The following HIVEP3 variants were observed in gnomAD, a reference collection of about 807,000 sequenced individuals.
HIVEP3 encodes the protein HIVEP zinc finger 3, also known as transcription factor HIVEP3.
HIVEP3 carries 49 observed loss-of-function variants against 152.8 expected under a neutral mutation model. The ratio of observed to expected loss-of-function variants is 0.32; its 90% CI spans 0.26 to 0.41. HIVEP3 has a LOEUF of 0.41. HIVEP3 is among the 10% of genes least tolerant of loss of function. The pLI is 1.00. For missense variants in HIVEP3, 2,790 were observed against 3,103.3 expected, an observed-to-expected ratio of 0.90 and a Z score of 2.40; for synonymous variants, 1,269 against 1,289.0, an observed-to-expected ratio of 0.98 and a Z score of 0.33.
chr1:41,784,415 T>A (rs894664043), intron 1 of HIVEP3, among the ~76,000 whole-genome samples: 45 of 152,252 alleles, frequency 3.0e-4, no homozygotes, highest in African/African-American at 8.9e-4. Flanking sequence ...CTTTTTTAAA[T>A]GTGGCTACCA....
intron 5 of HIVEP3, among the ~76,000 whole-genome samples, chr1:41,569,466 C>A (rs1644220258): frequency 6.6e-6 from 1 of 152,120 alleles, no homozygotes; most frequent in African/African-American, 2.4e-5. Flanking sequence ...ATAGTTTAAT[C>A]AATTTGTTCC....
intron 3 of HIVEP3, among the ~76,000 whole-genome samples, chr1:41,619,147 A>C (rs1570122927): frequency 5.9e-5 from 8 of 135,232 alleles, no homozygotes; most frequent in Non-Finnish European, 8.0e-5. Context: ...CCCCACCCCC[A>C]CTCCTCCAGC....
intron 1 of HIVEP3, among the ~76,000 whole-genome samples, chr1:41,871,631 G>C (rs973133728): frequency 2.6e-5 from 4 of 152,222 alleles, no homozygotes; most frequent in East Asian, 1.9e-4. Context: ...CAGAGGGTGG[G>C]ATCAGGTTGA....
upstream of HIVEP3, among the ~76,000 whole-genome samples, chr1:41,920,215 C>G (rs1644929952): frequency 6.6e-6 from 1 of 152,200 alleles, no homozygotes; most frequent in Non-Finnish European, 1.5e-5. Context: ...CACTGATTGG[C>G]TGGGCCCTGG....
intron 1 of HIVEP3, among the ~76,000 whole-genome samples, chr1:41,977,404 C>T (rs953283854): frequency 1.3e-5 from 2 of 152,128 alleles, no homozygotes; most frequent in Non-Finnish European, 2.9e-5. Context: ...GCCCCACGCT[C>T]CCCCACTCCC....
At chr1:41,864,123 TCTTCCA>T (rs112979904) in intron 1 of HIVEP3, among the ~76,000 whole-genome samples, 69 of 152,234 alleles carry the variant, frequency 4.5e-4, no homozygotes, top group African/African-American at 1.3e-3. Context: ...CTCTCTAAAT[TCTTCCA>T]CTGGAGATTC....
intron 1 of HIVEP3, among the ~76,000 whole-genome samples, chr1:42,022,059 G>A (rs1189179468): frequency 6.6e-6 from 1 of 152,194 alleles, no homozygotes; most frequent in East Asian, 1.9e-4. Context: ...CCCACAACCA[G>A]GAGAAGAGCG....
intron 1 of HIVEP3, among the ~76,000 whole-genome samples, chr1:41,758,492 C>T (rs1647462370): frequency 6.6e-6 from 1 of 152,230 alleles, no homozygotes; most frequent in Non-Finnish European, 1.5e-5. Context: ...AAAGACCTGT[C>T]TGAAGACAGG....
At chr1:41,612,841 A>G (rs12757352) in intron 3 of HIVEP3, among the ~76,000 whole-genome samples, 13,780 of 152,216 alleles carry the variant, frequency 0.091, 677 homozygotes, top group Middle Eastern at 0.18. Context: ...TCATCTTTGC[A>G]TGGAAGAGAT....
chr1:41,993,218 C>A (rs1570875942), intron 1 of HIVEP3, among the ~76,000 whole-genome samples: 1 of 151,588 alleles, frequency 6.6e-6, no homozygotes, highest in Non-Finnish European at 1.5e-5. Context: ...AGGCAACCTA[C>A]AAAATGGGAG....
chr1:41,512,772 C>T, intron 8 of HIVEP3, 44 bp downstream of exon 8: 20 of 1,420,768 alleles, frequency 1.4e-5, no homozygotes, highest in Non-Finnish European at 1.9e-5. Context: ...AACCCCTGCA[C>T]CCACAGGGGA....
intron 1 of HIVEP3, among the ~76,000 whole-genome samples, chr1:41,982,608 A>G (rs1332984373): frequency 1.3e-5 from 2 of 152,246 alleles, no homozygotes; most frequent in African/African-American, 4.8e-5. Context: ...TTAACAGGTC[A>G]GTGTAAATGT....
At chr1:41,773,740 G>A (rs966996284) in intron 1 of HIVEP3, among the ~76,000 whole-genome samples, 1 of 152,242 alleles carries the variant, frequency 6.6e-6, no homozygotes, top group Non-Finnish European at 1.5e-5. Flanking sequence ...GCCCGAGGTT[G>A]CCTGGTGATG....
At chr1:41,767,269 A>G (rs563323561) in intron 1 of HIVEP3, among the ~76,000 whole-genome samples, 1 of 152,278 alleles carries the variant, frequency 6.6e-6, no homozygotes, top group East Asian at 1.9e-4. Context: ...CCAAGCTTTC[A>G]CTAGGAAGGA....
chr1:41,647,920 G>A (rs1158787485), intron 2 of HIVEP3, among the ~76,000 whole-genome samples: 1 of 152,196 alleles, frequency 6.6e-6, no homozygotes, highest in Non-Finnish European at 1.5e-5. Context: ...GCCCTGCCTG[G>A]TGGGCCTGGG....
intron 5 of HIVEP3, among the ~76,000 whole-genome samples, chr1:41,541,065 C>T (rs1180125761): frequency 1.3e-5 from 2 of 152,124 alleles, no homozygotes; most frequent in African/African-American, 2.4e-5. Flanking sequence ...TAGGACGCTG[C>T]GAGTGCAGTG....
chr1:41,536,264 A>G (rs1265682909), intron 5 of HIVEP3, among the ~76,000 whole-genome samples: 2 of 152,134 alleles, frequency 1.3e-5, no homozygotes, highest in Non-Finnish European at 2.9e-5. Context: ...AGTAGTAGGT[A>G]GTAGGTAGAA....
intron 1 of HIVEP3, among the ~76,000 whole-genome samples, chr1:42,011,358 T>C (rs1645491329): frequency 6.6e-6 from 1 of 152,208 alleles, no homozygotes; most frequent in Admixed American, 6.5e-5. Flanking sequence ...AAATCTAGAC[T>C]CACGTGTATA....
chr1:41,899,549 A>T (rs1644587279), intron 1 of HIVEP3, among the ~76,000 whole-genome samples: 1 of 151,998 alleles, frequency 6.6e-6, no homozygotes, highest in African/African-American at 2.4e-5. Context: ...TGGGATTACA[A>T]GTGCCCGCCA....
Sources: allele counts gnomAD v4.1 joint callset (sites outside exome capture counted in the v4.1 genomes callset), GRCh38; gene constraint gnomAD v4.1.1; transcripts MANE v1.5; gene names NCBI Gene and HGNC (gene_info 2026-07-23, HGNC 2026-07-21).